The following KCNIP4 variants were observed in gnomAD, a reference collection of about 807,000 sequenced individuals.
The protein encoded by KCNIP4 is potassium voltage-gated channel interacting protein 4.
Under a neutral mutation model 34.0 loss-of-function variants are expected in KCNIP4, and 12 were observed. That is an observed-to-expected ratio of 0.35 (90% CI 0.23 to 0.57). KCNIP4 has a LOEUF of 0.57. KCNIP4 is among the 20% of genes least tolerant of loss of function. The pLI, the probability that KCNIP4 is intolerant of heterozygous loss-of-function variation, is 0.83. For missense variants in KCNIP4, 238 were observed against 311.7 expected, an observed-to-expected ratio of 0.76 and a Z score of 1.78; for synonymous variants, 124 against 102.2, an observed-to-expected ratio of 1.21 and a Z score of -1.29.
intron 1 of KCNIP4, among the ~76,000 whole-genome samples, chr4:21,407,447 A>C (rs1724091578): frequency 6.6e-6 from 1 of 152,126 alleles, no homozygotes; most frequent in Non-Finnish European, 1.5e-5. Context: ...TGAAGTAGGA[A>C]ATTTGTCTCT....
At chr4:21,055,908 T>C (rs1743357232) in intron 1 of KCNIP4, among the ~76,000 whole-genome samples, 1 of 152,186 alleles carries the variant, frequency 6.6e-6, no homozygotes, top group Non-Finnish European at 1.5e-5. Context: ...GAATGTACAA[T>C]ATCTAGAGTG....
At chr4:20,917,885 A>G (rs767578925) in intron 1 of KCNIP4, among the ~76,000 whole-genome samples, 1 of 152,200 alleles carries the variant, frequency 6.6e-6, no homozygotes, top group Non-Finnish European at 1.5e-5. Context: ...AGAGATCGCC[A>G]TGTTGCAGAC....
intron 1 of KCNIP4, among the ~76,000 whole-genome samples, chr4:21,131,781 A>G (rs1224483218): frequency 6.6e-6 from 1 of 152,230 alleles, no homozygotes. Flanking sequence ...GGATATGTAT[A>G]CTTTTCTGTA....
chr4:21,361,496 A>T (rs78214987), intron 1 of KCNIP4, among the ~76,000 whole-genome samples: 5 of 151,826 alleles, frequency 3.3e-5, no homozygotes, highest in Non-Finnish European at 5.9e-5. Context: ...TAAAAAAAAA[A>T]TTACTCTTAT....
intron 1 of KCNIP4, among the ~76,000 whole-genome samples, chr4:21,198,978 G>A (rs1756267491): frequency 6.6e-6 from 1 of 152,158 alleles, no homozygotes; most frequent in African/African-American, 2.4e-5. Flanking sequence ...TACTGACACT[G>A]ATCTGGCGCT....
chr4:21,856,102 TC>T lies in KCNIP4; in HGVS notation c.61+92468del, dbSNP rs1221475473. ...AAGCTGTTCCTGTTGCCATGGTCTG[TC>T]CCCCTCACTATTGTTAACATTTTGA... On this transcript the variant is annotated intron_variant, in intron 1 of 8. Transcript: ENST00000382152. Among the ~76,000 whole-genome samples the T allele has an allele frequency of 1.6e-4, 25 of 152,294 alleles. No individual in the cohort carries two copies. The East Asian group carries it at 4.4e-3, about 27-fold the overall frequency.
chr4:21,030,062 G>A (rs889277580), intron 1 of KCNIP4, among the ~76,000 whole-genome samples: 2 of 152,182 alleles, frequency 1.3e-5, no homozygotes, highest in African/African-American at 2.4e-5. Flanking sequence ...TTCGGTCATG[G>A]ACTGGAACCT....
chr4:21,356,758 T>C (rs1718650056), intron 1 of KCNIP4, among the ~76,000 whole-genome samples: 1 of 152,022 alleles, frequency 6.6e-6, no homozygotes, highest in Admixed American at 6.6e-5. Context: ...CATTTATAGA[T>C]TCAATGCCAT....
intron 1 of KCNIP4, among the ~76,000 whole-genome samples, chr4:21,165,569 C>A (rs1443717804): frequency 6.6e-6 from 1 of 151,220 alleles, no homozygotes; most frequent in Non-Finnish European, 1.5e-5. Flanking sequence ...CATCATAGAT[C>A]TAAATATAAA....
chr4:21,529,938 G>A (rs889050872), intron 1 of KCNIP4, among the ~76,000 whole-genome samples: 1 of 152,096 alleles, frequency 6.6e-6, no homozygotes, highest in Non-Finnish European at 1.5e-5. Context: ...CACAGTTCGC[G>A]AGGAACTCTG....
At chr4:20,885,253 A>G (rs1725161819) in intron 1 of KCNIP4, among the ~76,000 whole-genome samples, 1 of 150,712 alleles carries the variant, frequency 6.6e-6, no homozygotes, top group Non-Finnish European at 1.5e-5. Context: ...TGTAGCCATA[A>G]GCTATTACCA....
At chr4:21,102,818 T>C (rs1175910238) in intron 1 of KCNIP4, among the ~76,000 whole-genome samples, 4 of 152,164 alleles carry the variant, frequency 2.6e-5, no homozygotes, top group Non-Finnish European at 4.4e-5. Context: ...CTTTTAATGA[T>C]GCAAAAGTCC....
chr4:21,350,329 T>C (rs1717885690), intron 1 of KCNIP4, among the ~76,000 whole-genome samples: 1 of 152,132 alleles, frequency 6.6e-6, no homozygotes, highest in Admixed American at 6.6e-5. Flanking sequence ...ATAAAAAGCA[T>C]TTAATTACTA....
chr4:21,942,198 T>C (rs1730241069), intron 1 of KCNIP4, among the ~76,000 whole-genome samples: 2 of 152,224 alleles, frequency 1.3e-5, no homozygotes, highest in Non-Finnish European at 2.9e-5. Flanking sequence ...CTTTTTAAAT[T>C]TTCCCATTCC....
At chr4:21,364,089 C>G (rs976346975) in intron 1 of KCNIP4, among the ~76,000 whole-genome samples, 1 of 152,072 alleles carries the variant, frequency 6.6e-6, no homozygotes, top group African/African-American at 2.4e-5. Flanking sequence ...TTGATGATCC[C>G]TCTTTTACAA....
intron 1 of KCNIP4, among the ~76,000 whole-genome samples, chr4:21,676,766 A>C (rs1316596831): frequency 6.6e-6 from 1 of 152,194 alleles, no homozygotes; most frequent in Non-Finnish European, 1.5e-5. Context: ...GGACTCAGTA[A>C]AGTTGGAAAA....
chr4:20,917,689 G>A (rs1459520174), intron 1 of KCNIP4, among the ~76,000 whole-genome samples: 3 of 152,146 alleles, frequency 2.0e-5, no homozygotes, highest in African/African-American at 2.4e-5. Flanking sequence ...GGCTGAGTAG[G>A]TTACTCTTGA....
intron 1 of KCNIP4, among the ~76,000 whole-genome samples, chr4:21,267,731 T>G (rs988255382): frequency 8.3e-5 from 12 of 145,436 alleles, no homozygotes; most frequent in Admixed American, 2.1e-4. Flanking sequence ...CTTTTTGATG[T>G]GCTGCTGGAT....
intron 1 of KCNIP4, among the ~76,000 whole-genome samples, chr4:21,535,949 C>T (rs1178020445): frequency 6.6e-6 from 1 of 152,050 alleles, no homozygotes; most frequent in South Asian, 2.1e-4. Flanking sequence ...AAATCATCTC[C>T]CTTGGTATAT....
Sources: allele counts gnomAD v4.1 joint callset (sites outside exome capture counted in the v4.1 genomes callset), GRCh38; gene constraint gnomAD v4.1.1; transcripts MANE v1.5; gene names NCBI Gene and HGNC (gene_info 2026-07-23, HGNC 2026-07-21).